Variants in PIWIL4 observed in about 807,000 individuals in gnomAD.
PIWIL4 encodes piwi like RNA-mediated gene silencing 4, also known as piwi-like protein 4.
A neutral mutation model predicts 100.9 loss-of-function variants in PIWIL4; 50 were observed. That is an observed-to-expected ratio of 0.50 (90% CI 0.39 to 0.63). The LOEUF (loss-of-function observed/expected upper bound fraction) is 0.63. PIWIL4 is among the 20% of genes least tolerant of loss of function. PIWIL4 has a pLI of 0.00. For missense variants in PIWIL4, 887 were observed against 1,043.3 expected (o/e 0.85, Z 2.06); for synonymous variants, 342 against 367.5 (o/e 0.93, Z 0.79).
At chr11:94,602,683 T>TCA (rs1948659741) in intron 12 of PIWIL4, among the ~76,000 whole-genome samples, 1 of 152,226 alleles carries the variant, frequency 6.6e-6, no homozygotes, top group South Asian at 2.1e-4. Flanking sequence ...GAAACTGATA[T>TCA]GCTTAGAAAA....
rs143651293 is a variant in PIWIL4 at position 94,599,170 on chromosome 11, A to G, written c.1380+1255A>G. Among the ~76,000 whole-genome samples the G allele has an allele frequency of 2.9e-3, 439 of 152,354 alleles. 4 individuals are homozygous for G. Among genetic ancestry groups the G allele is most frequent in the African/African-American group, 0.01 (418 of 41,572 alleles). The stretch of plus-strand genomic sequence containing the variant: ...GCGAGAGTTCAGTAAAGAGAAGCTC[A>G]GTTTCAGATCCACATGTGAAGAAGG... On this transcript the variant is annotated intron_variant, in intron 11 of 19. Coordinates refer to ENST00000299001, the MANE Select transcript of PIWIL4 (RefSeq NM_152431.3).
At chr11:94,617,487 A>G (rs71459739) in intron 16 of PIWIL4, among the ~76,000 whole-genome samples, 3,993 of 152,228 alleles carry the variant, frequency 0.026, 172 homozygotes, top group African/African-American at 0.088. Context: ...ATTGGAATCA[A>G]TTGGGTGAGT....
chr11:94,604,687 A>G (rs1948692411), intron 13 of PIWIL4, among the ~76,000 whole-genome samples: 1 of 152,168 alleles, frequency 6.6e-6, no homozygotes, highest in Non-Finnish European at 1.5e-5. Flanking sequence ...TTTCCCAGGA[A>G]TGTTTACTCT....
intron 14 of PIWIL4, 102 bp downstream of exon 14, chr11:94,607,741 T>C: frequency 8.0e-7 from 1 of 1,256,154 alleles, no homozygotes; most frequent in African/African-American, 1.5e-5. Context: ...TTTGGTTTGC[T>C]TGTTTCTTGA....
chr11:94,593,404 GA>G (rs1167915155), intron 8 of PIWIL4, 113 bp from the exon 9 acceptor site: 4 of 1,044,844 alleles, frequency 3.8e-6, no homozygotes, highest in Non-Finnish European at 4.0e-6. Flanking sequence ...GTAACTATGG[GA>G]TTGGTTAGAT....
chr11:94,607,602 G>C lies in PIWIL4; in HGVS notation c.1802G>C (p.Cys601Ser). 6.2e-7 allele frequency: 1 copy of C among 1,614,134 alleles called. No homozygotes were observed. ...IATKIAMQMT[C>S]KLGGELWAVE... ...ACCAAGATCGCTATGCAGATGACTT[G>C]CAAGCTCGGAGGCGAGCTGTGGGCT... The change falls in exon 14 of 20, where the codon TGC (cysteine) becomes TCC (serine). Residue 601 changes from cysteine (C) to serine (S), a missense_variant. Cys to Ser is a moderately radical substitution (Grantham distance 112). Transcript: ENST00000299001.
In PIWIL4 at chr11:94,577,256, GTTT is replaced by G; in HGVS notation, c.299-18_299-16del. The stretch of plus-strand genomic sequence containing the variant: ...GATGTGATTTCCTGATTAAAAAATT[GTTT>G]TTTGTTTGTCTTCTTCAGGTTCCAG... On this transcript the variant is annotated intron_variant, in intron 3 of 19. Transcript: ENST00000299001. The G allele has an allele frequency of 6.4e-7, 1 of 1,563,210 alleles. No homozygotes were observed. The highest frequency in any genetic ancestry group is 8.8e-7 in the Non-Finnish European group (1 of 1,138,566).
chr11:94,596,224 A>G (rs1303187900), intron 10 of PIWIL4, among the ~76,000 whole-genome samples: 2 of 149,038 alleles, frequency 1.3e-5, no homozygotes, highest in Non-Finnish European at 3.0e-5. Flanking sequence ...TTATATTCCT[A>G]TTGGGCTATA....
chr11:94,574,650 T>G (rs1230185737), intron 2 of PIWIL4, among the ~76,000 whole-genome samples: 1 of 152,078 alleles, frequency 6.6e-6, no homozygotes, highest in African/African-American at 2.4e-5. Flanking sequence ...CCAGCTGATT[T>G]TTTGTGTTTT....
intron 8 of PIWIL4, 39 bp from the exon 9 acceptor site, chr11:94,593,479 C>T (rs374102874): frequency 1.9e-6 from 3 of 1,596,048 alleles, no homozygotes; most frequent in Middle Eastern, 3.4e-4. Flanking sequence ...GGCGGTGCTT[C>T]CATGTTAACT....
chr11:94,589,274 C>T (rs1467254633), intron 8 of PIWIL4, 42 bp downstream of exon 8: 2 of 1,495,086 alleles, frequency 1.3e-6, no homozygotes, highest in South Asian at 2.3e-5. Context: ...TTTTCTTTTA[C>T]CTCAGAGAAG....
intron 3 of PIWIL4, among the ~76,000 whole-genome samples, chr11:94,575,944 G>A (rs534251904): frequency 9.2e-5 from 14 of 152,154 alleles, no homozygotes; most frequent in African/African-American, 3.1e-4. Flanking sequence ...TCAGGATCTG[G>A]GAGAACAAAA....
intron 5 of PIWIL4, 118 bp downstream of exon 5, chr11:94,583,687 G>T: frequency 7.3e-7 from 1 of 1,374,410 alleles, no homozygotes; most frequent in Non-Finnish European, 1.0e-6. Flanking sequence ...GCCACCGTTA[G>T]GGCAATTTCT....
intron 10 of PIWIL4, among the ~76,000 whole-genome samples, chr11:94,595,849 ACTATGTGC>A (rs1948550886): frequency 6.6e-6 from 1 of 152,166 alleles, no homozygotes; most frequent in Non-Finnish European, 1.5e-5. Context: ...GGAAAACCCC[ACTATGTGC>A]CTTTTAAATT....
At chr11:94,603,850 G>T in intron 12 of PIWIL4, 134 bp from the exon 13 acceptor site, 2 of 574,808 alleles carry the variant, frequency 3.5e-6, no homozygotes, top group East Asian at 3.3e-5. Context: ...GACTCAAAAG[G>T]TTATTTTCTC....
chr11:94,603,511 T>C (rs1158423084), intron 12 of PIWIL4, among the ~76,000 whole-genome samples: 1 of 152,216 alleles, frequency 6.6e-6, no homozygotes, highest in Admixed American at 6.5e-5. Flanking sequence ...AAAATAAAGA[T>C]ATTTTTGTCT....
At position 94,619,115 on chromosome 11, in the gene PIWIL4, T is replaced by G. The variant is rs142181700; in HGVS notation, c.2169-645T>G. On this transcript the variant is annotated intron_variant, in intron 17 of 19. Transcript: ENST00000299001. ...CAATATTGAAAACGTTCGTGATAAATTTTAAAAATAATTATAATGCTTAAA... is the reference window on the plus strand; with the variant it reads ...CAATATTGAAAACGTTCGTGATAAAGTTTAAAAATAATTATAATGCTTAAA... 6.7e-4 allele frequency among the ~76,000 whole-genome samples: 102 copies of G among 152,336 alleles called. 2 individuals are homozygous for G. The East Asian group carries it at 0.017, about 26-fold the overall frequency.
chr11:94,609,114 T>C (rs1356519083), intron 15 of PIWIL4, among the ~76,000 whole-genome samples: 3 of 152,246 alleles, frequency 2.0e-5, no homozygotes, highest in Non-Finnish European at 4.4e-5. Context: ...TTAACTTTGC[T>C]GTGCCTCACT....
chr11:94,583,308 G>A, intron 4 of PIWIL4, 140 bp from the exon 5 acceptor site: 1 of 906,518 alleles, frequency 1.1e-6, no homozygotes, highest in Non-Finnish European at 1.7e-6. Flanking sequence ...AACATAATGT[G>A]ATGATTAGAT....
Sources: gnomAD v4.1 joint callset for allele counts (sites outside exome capture counted in the v4.1 genomes callset) on GRCh38, gnomAD v4.1.1 for gene constraint, MANE v1.5 for transcripts, NCBI Gene and HGNC (gene_info 2026-07-23, HGNC 2026-07-21) for gene names.